COL24A1: variants seen among roughly 807,000 people sequenced by gnomAD.
COL24A1 encodes collagen type XXIV alpha 1 chain, also known as collagen alpha-1(XXIV) chain.
A neutral mutation model predicts 253.9 loss-of-function variants in COL24A1; 224 were observed. The observed-to-expected ratio is 0.88, with a 90% CI of 0.79 to 0.99. COL24A1 has a LOEUF of 0.99. COL24A1 is among the 50% of genes least tolerant of loss of function. The pLI, the probability that COL24A1 is intolerant of heterozygous loss-of-function variation, is 0.00. For missense variants in COL24A1, 2,131 were observed against 2,068.5 expected (o/e 1.03, Z -0.59); for synonymous variants, 685 against 673.7 (o/e 1.02, Z -0.26).
chr1:85,772,745 G>A (rs1188230612), intron 53 of COL24A1, among the ~76,000 whole-genome samples: 1 of 152,096 alleles, frequency 6.6e-6, no homozygotes, highest in East Asian at 1.9e-4. Flanking sequence ...ATTTGTTTAA[G>A]TTCTTTGTAG....
At chr1:85,983,546 G>T (rs1482889482) in intron 20 of COL24A1, among the ~76,000 whole-genome samples, 2 of 151,852 alleles carry the variant, frequency 1.3e-5, no homozygotes, top group Non-Finnish European at 2.9e-5. Context: ...TGCAAATAGG[G>T]TAACCATGTA....
intron 43 of COL24A1, among the ~76,000 whole-genome samples, chr1:85,826,721 CTGTT>C (rs1311051648): frequency 1.3e-5 from 2 of 151,414 alleles, no homozygotes; most frequent in Non-Finnish European, 2.9e-5. Context: ...ATTTGGCTCT[CTGTT>C]TGTCTGTTGT....
intron 47 of COL24A1, among the ~76,000 whole-genome samples, chr1:85,795,798 G>GT (rs1159926399): frequency 5.3e-5 from 8 of 151,990 alleles, no homozygotes; most frequent in East Asian, 1.9e-4. Flanking sequence ...ATTAGGCAAT[G>GT]TAAGTACTAT....
intron 22 of COL24A1, among the ~76,000 whole-genome samples, chr1:85,968,481 T>A (rs903939644): frequency 2.0e-5 from 3 of 152,202 alleles, no homozygotes; most frequent in Non-Finnish European, 2.9e-5. Flanking sequence ...TAATTTTTGC[T>A]TTTGACTGCT....
intron 28 of COL24A1, among the ~76,000 whole-genome samples, chr1:85,900,036 C>A (rs77307479): frequency 0.021 from 3,170 of 152,152 alleles, 112 homozygotes; most frequent in African/African-American, 0.071. Flanking sequence ...TAGAAGTTTA[C>A]AAAATGAATA....
chr1:86,013,862 A>C (rs1219225835), intron 19 of COL24A1, among the ~76,000 whole-genome samples: 1 of 152,074 alleles, frequency 6.6e-6, no homozygotes, highest in Non-Finnish European at 1.5e-5. Context: ...AAACAAACAA[A>C]AAACCTTATC....
At chr1:86,097,521 TCCCTCCTCCCTCCTCC>T (rs1704049176) in intron 5 of COL24A1, among the ~76,000 whole-genome samples, 1 of 3,658 alleles carries the variant, frequency 2.7e-4, no homozygotes, top group Non-Finnish European at 6.4e-4. Flanking sequence ...TCCCTCCTCC[TCCCTCCTCCCTCCTCC>T]TCCCTCCTCC....
intron 39 of COL24A1, among the ~76,000 whole-genome samples, chr1:85,844,789 A>C (rs1211093450): frequency 6.6e-6 from 1 of 151,980 alleles, no homozygotes; most frequent in African/African-American, 2.4e-5. Flanking sequence ...GAAGATACAA[A>C]ATTTGAAAAG....
intron 8 of COL24A1, among the ~76,000 whole-genome samples, chr1:86,063,123 T>C (rs550131995): frequency 2.0e-5 from 3 of 152,270 alleles, no homozygotes; most frequent in South Asian, 4.1e-4. Context: ...TATTATTTTC[T>C]GATGAGAGAA....
chr1:85,737,614 AG>A, intron 57 of COL24A1, 109 bp from the exon 58 acceptor site: 1 of 727,738 alleles, frequency 1.4e-6, no homozygotes, highest in Non-Finnish European at 2.2e-6. Flanking sequence ...CCCAGGCTGG[AG>A]TGCAGCGGTG....
chr1:86,057,897 C>G, intron 10 of COL24A1, 34 bp downstream of exon 10: 1 of 1,593,540 alleles, frequency 6.3e-7, no homozygotes, highest in Non-Finnish European at 8.6e-7. Flanking sequence ...TTTAGGCAAG[C>G]ATGCTTAACA....
intron 19 of COL24A1, among the ~76,000 whole-genome samples, 178 bp downstream of exon 19, chr1:86,016,973 A>G (rs1383035678): frequency 6.6e-6 from 1 of 152,206 alleles, no homozygotes; most frequent in African/African-American, 2.4e-5. Flanking sequence ...CTGTTTCCCT[A>G]GGATCCCTGT....
At position 85,960,883 on chromosome 1, in the gene COL24A1, CAATAAATA is replaced by C. The variant is rs71078631; in HGVS notation, c.2562+358_2562+365del. 6.0e-3 allele frequency: 954 copies of C among 160,092 alleles called. 13 individuals are homozygous for C. The highest frequency in any genetic ancestry group is 0.02 in the African/African-American group (738 of 37,438). The allele number at this position is 160,092 out of a possible 1,614,324, so 9.9% of individuals were successfully genotyped here. A position where few individuals can be genotyped will look rare whatever the true frequency, so the allele number is the denominator to read the frequency against. On this transcript the variant is annotated intron_variant, in intron 24 of 59. Coordinates refer to ENST00000370571, the MANE Select transcript of COL24A1 (RefSeq NM_152890.7). Reference sequence around the variant, plus strand: ...TGGGTGACAGAGCAAGACTCCATCTCAATAAATAAATAAATAAATAAATAAATAAATAA... The same window carrying C: ...TGGGTGACAGAGCAAGACTCCATCTCAATAAATAAATAAATAAATAAATAA...
At chr1:85,836,409 C>G (rs1007703356) in intron 43 of COL24A1, among the ~76,000 whole-genome samples, 1 of 152,092 alleles carries the variant, frequency 6.6e-6, no homozygotes, top group Non-Finnish European at 1.5e-5. Context: ...TGTATTTTAT[C>G]CTAATAAAGA....
chr1:85,893,620 AGGCAAGT>A, intron 31 of COL24A1, among the ~76,000 whole-genome samples: 1 of 152,152 alleles, frequency 6.6e-6, no homozygotes, highest in East Asian at 1.9e-4. Context: ...GATGTATGGG[AGGCAAGT>A]ATTGTATAGG....
intron 28 of COL24A1, among the ~76,000 whole-genome samples, chr1:85,906,418 G>A (rs1437958315): frequency 6.6e-6 from 1 of 151,576 alleles, no homozygotes; most frequent in African/African-American, 2.4e-5. Context: ...AATACTCCCT[G>A]ATATTCCATA....
intron 2 of COL24A1, among the ~76,000 whole-genome samples, chr1:86,128,541 A>G (rs556192220): frequency 1.3e-5 from 2 of 152,128 alleles, no homozygotes; most frequent in Admixed American, 1.3e-4. Context: ...TGCCCCAAGA[A>G]CATCTCCCCT....
intron 7 of COL24A1, among the ~76,000 whole-genome samples, chr1:86,081,019 T>C (rs1300435743): frequency 1.3e-5 from 2 of 152,174 alleles, no homozygotes; most frequent in Non-Finnish European, 2.9e-5. Flanking sequence ...AAAAACTCTC[T>C]TACTGTTGGT....
intron 5 of COL24A1, among the ~76,000 whole-genome samples, chr1:86,097,821 G>C (rs1191976274): frequency 6.6e-6 from 1 of 151,888 alleles, no homozygotes; most frequent in East Asian, 1.9e-4. Context: ...ACTGATGACT[G>C]TAAACTGTAT....
Sources: allele counts gnomAD v4.1 joint callset (sites outside exome capture counted in the v4.1 genomes callset), GRCh38; gene constraint gnomAD v4.1.1; transcripts MANE v1.5; gene names NCBI Gene and HGNC (gene_info 2026-07-23, HGNC 2026-07-21).